TMCC1: variants seen among roughly 807,000 people sequenced by gnomAD.
The protein encoded by TMCC1 is transmembrane and coiled-coil domain family 1.
TMCC1 carries 15 observed loss-of-function variants against 52.4 expected under a neutral mutation model. The ratio of observed to expected loss-of-function variants is 0.29; its 90% CI spans 0.19 to 0.44. TMCC1 has a LOEUF of 0.44. Ranked by LOEUF, TMCC1 falls within the 20% of genes least tolerant of loss-of-function variation. The pLI, the probability that TMCC1 is intolerant of heterozygous loss-of-function variation, is 1.00. For synonymous variants in TMCC1, 279 were observed against 301.9 expected, an observed-to-expected ratio of 0.92 and a Z score of 0.79; for missense variants, 503 against 806.0, an observed-to-expected ratio of 0.62 and a Z score of 4.55.
At chr3:129,727,735 C>T (rs146954727) in intron 4 of TMCC1, among the ~76,000 whole-genome samples, 1 of 152,276 alleles carries the variant, frequency 6.6e-6, no homozygotes, top group African/African-American at 2.4e-5. Flanking sequence ...ATTTGGAGGT[C>T]CCTAATGAGC....
At chr3:129,866,055 C>T (rs1007295621) in intron 2 of TMCC1, among the ~76,000 whole-genome samples, 2 of 151,946 alleles carry the variant, frequency 1.3e-5, no homozygotes, top group African/African-American at 4.8e-5. Context: ...TAATCAACAA[C>T]AGAATAAGAT....
chr3:129,729,996 TAAAAA>T (rs368622320), intron 4 of TMCC1, among the ~76,000 whole-genome samples: 2 of 151,852 alleles, frequency 1.3e-5, no homozygotes, highest in Non-Finnish European at 1.5e-5. Flanking sequence ...ATAAATAAAA[TAAAAA>T]AATAGAAAAA....
intron 4 of TMCC1, among the ~76,000 whole-genome samples, chr3:129,719,904 C>A (rs1199961265): frequency 6.6e-6 from 1 of 152,022 alleles, no homozygotes; most frequent in Admixed American, 6.6e-5. Flanking sequence ...TCTGGCCAGG[C>A]ACGGTGTCTC....
chr3:129,660,568 G>T (rs956741186), intron 5 of TMCC1, among the ~76,000 whole-genome samples: 53 of 151,968 alleles, frequency 3.5e-4, no homozygotes, highest in Non-Finnish European at 7.1e-4. Flanking sequence ...GGTTTACTGG[G>T]CACACACTCC....
chr3:129,884,444 A>G (rs923410284), intron 1 of TMCC1, among the ~76,000 whole-genome samples: 2 of 152,168 alleles, frequency 1.3e-5, no homozygotes, highest in Admixed American at 6.5e-5. Context: ...CCTGGGCAAC[A>G]TAGTGCAACC....
At chr3:129,750,159 C>A (rs534548937) in intron 4 of TMCC1, among the ~76,000 whole-genome samples, 52 of 151,968 alleles carry the variant, frequency 3.4e-4, no homozygotes, top group South Asian at 1.7e-3. Context: ...GTTTCAAAAT[C>A]TTGTCTCAAA....
chr3:129,687,143 C>T (rs1051305588), intron 4 of TMCC1, among the ~76,000 whole-genome samples: 1 of 152,056 alleles, frequency 6.6e-6, no homozygotes, highest in East Asian at 1.9e-4. Flanking sequence ...ATTTACAAGG[C>T]TTACATAACC....
chr3:129,719,031 T>C (rs61119185), intron 4 of TMCC1, among the ~76,000 whole-genome samples: 2,381 of 152,292 alleles, frequency 0.016, 48 homozygotes, highest in African/African-American at 0.055. Context: ...ACTAAAATCC[T>C]TGGAATCTCC....
At chr3:129,756,469 A>C (rs1346965645) in intron 4 of TMCC1, among the ~76,000 whole-genome samples, 1 of 151,986 alleles carries the variant, frequency 6.6e-6, no homozygotes, top group Admixed American at 6.6e-5. Flanking sequence ...GCTGGAGTGC[A>C]GTGGTTGCAA....
chr3:129,796,151 T>C (rs1384889771), intron 4 of TMCC1, among the ~76,000 whole-genome samples: 1 of 152,236 alleles, frequency 6.6e-6, no homozygotes, highest in Non-Finnish European at 1.5e-5. Flanking sequence ...ACCTTTTCTA[T>C]GTTTAGCTAT....
chr3:129,734,743 T>C (rs1254760834), intron 4 of TMCC1, among the ~76,000 whole-genome samples: 1 of 152,088 alleles, frequency 6.6e-6, no homozygotes, highest in African/African-American at 2.4e-5. Context: ...AGGATAGTAC[T>C]TGTCTCTGAA....
At chr3:129,866,901 A>G (rs1010914793) in intron 2 of TMCC1, 5 of 152,236 alleles carry the variant, frequency 3.3e-5, no homozygotes, top group African/African-American at 1.2e-4. Context: ...TGAAAAACAA[A>G]TGAAATACTT....
chr3:129,868,126 G>A (rs1210391307), intron 2 of TMCC1, among the ~76,000 whole-genome samples: 1 of 26,710 alleles, frequency 3.7e-5, no homozygotes, highest in Non-Finnish European at 7.8e-5. Context: ...ATTAAAACAG[G>A]CAGGCAGAGG....
intron 2 of TMCC1, among the ~76,000 whole-genome samples, chr3:129,849,782 TAAA>T (rs1241562481): frequency 6.7e-6 from 1 of 150,162 alleles, no homozygotes; most frequent in Admixed American, 6.7e-5. Context: ...AAATAAAAAA[TAAA>T]AAAAGTATCT....
At position 129,683,660 on chromosome 3, in the gene TMCC1, G is replaced by C. The variant is rs368186318; in HGVS notation, c.577-12396C>G. ...ACATATTGTACAGAGGTGAACTCTG[G>C]GCTTTTAGTATACCTATCACCTGAA... On this transcript the variant is annotated intron_variant, in intron 4 of 6. Transcript: ENST00000393238. 5.3e-5 allele frequency among the ~76,000 whole-genome samples: 8 copies of C among 152,182 alleles called. No homozygotes were observed. The East Asian group carries it at 1.4e-3, about 26-fold the overall frequency.
intron 4 of TMCC1, among the ~76,000 whole-genome samples, chr3:129,823,287 C>T (rs1252996401): frequency 1.3e-5 from 2 of 152,008 alleles, no homozygotes; most frequent in Non-Finnish European, 2.9e-5. Flanking sequence ...GATCACGCCA[C>T]CGCACTCCAG....
intron 4 of TMCC1, among the ~76,000 whole-genome samples, chr3:129,796,367 G>A (rs534113667): frequency 6.6e-6 from 1 of 152,264 alleles, no homozygotes; most frequent in African/African-American, 2.4e-5. Context: ...TTTCTCAGAA[G>A]TTATCCCAGT....
At chr3:129,796,066 C>T (rs2056800672) in intron 4 of TMCC1, among the ~76,000 whole-genome samples, 1 of 152,212 alleles carries the variant, frequency 6.6e-6, no homozygotes, top group Admixed American at 6.5e-5. Context: ...TCGTAACCCA[C>T]ATGACATTTC....
intron 2 of TMCC1, among the ~76,000 whole-genome samples, chr3:129,870,971 C>CT (rs57005438): frequency 1.3e-4 from 20 of 150,526 alleles, no homozygotes; most frequent in African/African-American, 4.1e-4. Context: ...CCAATGTTAG[C>CT]TTTTTTTTTA....
Sources: allele counts gnomAD v4.1 joint callset (sites outside exome capture counted in the v4.1 genomes callset), GRCh38; gene constraint gnomAD v4.1.1; transcripts MANE v1.5; gene names NCBI Gene and HGNC (gene_info 2026-07-23, HGNC 2026-07-21).